The following GPHN variants were observed in gnomAD, a reference collection of about 807,000 sequenced individuals.
GPHN encodes gephyrin.
Under a neutral mutation model 95.5 loss-of-function variants are expected in GPHN, and 17 were observed. That is an observed-to-expected ratio of 0.18 (90% CI 0.12 to 0.27). The LOEUF is 0.27. Ranked by LOEUF, GPHN falls within the 10% of genes least tolerant of loss-of-function variation. The pLI, the probability that GPHN is intolerant of heterozygous loss-of-function variation, is 1.00. For synonymous variants in GPHN, 320 were observed against 322.5 expected (o/e 0.99, Z 0.08); for missense variants, 660 against 978.1 (o/e 0.67, Z 4.34).
intron 1 of GPHN, among the ~76,000 whole-genome samples, chr14:66,617,319 G>T (rs2063087734): frequency 1.3e-5 from 2 of 152,208 alleles, no homozygotes; most frequent in Admixed American, 6.5e-5. Context: ...GAGCTCTGGG[G>T]TTGGGACGCT....
At chr14:66,815,187 G>A (rs750013027) in intron 3 of GPHN, among the ~76,000 whole-genome samples, 4 of 152,158 alleles carry the variant, frequency 2.6e-5, no homozygotes, top group Non-Finnish European at 4.4e-5. Context: ...TTGAATCTGC[G>A]ACTGATTGGT....
At chr14:67,166,643 G>GT (rs34161395) in intron 20 of GPHN, among the ~76,000 whole-genome samples, 25,727 of 151,852 alleles carry the variant, frequency 0.17, 4,246 homozygotes, top group East Asian at 0.44. Flanking sequence ...GGTTTTGTTT[G>GT]TTTTTTGTGT....
At chr14:66,685,990 T>G (rs1317963419) in intron 2 of GPHN, among the ~76,000 whole-genome samples, 3 of 129,342 alleles carry the variant, frequency 2.3e-5, no homozygotes, top group Non-Finnish European at 4.5e-5. Context: ...CCAGCACCAT[T>G]TATTAAATAG....
chr14:67,604,440 A>G, the GPHN span, among the ~76,000 whole-genome samples: 1 of 152,162 alleles, frequency 6.6e-6, no homozygotes, highest in East Asian at 1.9e-4. Flanking sequence ...CATGCCTATA[A>G]TCCCAGCACT....
the GPHN span, among the ~76,000 whole-genome samples, chr14:67,448,464 T>C: frequency 6.6e-6 from 1 of 152,144 alleles, no homozygotes; most frequent in Non-Finnish European, 1.5e-5. Context: ...AACATCCCTA[T>C]AAATGAATTG....
the GPHN span, among the ~76,000 whole-genome samples, chr14:67,308,529 A>G: frequency 2.7e-5 from 4 of 149,454 alleles, no homozygotes; most frequent in Admixed American, 6.8e-5. Context: ...GCACTCTCCA[A>G]ATATTTTTTT....
chr14:66,539,294 C>T (rs962366249), intron 1 of GPHN, among the ~76,000 whole-genome samples: 48 of 152,034 alleles, frequency 3.2e-4, no homozygotes, highest in African/African-American at 1.1e-3. Context: ...CCTTCTAGCA[C>T]GTCTCCCAGC....
chr14:67,600,261 G>C, the GPHN span: 1 of 1,416,248 alleles, frequency 7.1e-7, no homozygotes, highest in Non-Finnish European at 9.3e-7. Flanking sequence ...GCCGGCCCTG[G>C]CCGTCTCGCC....
chr14:67,506,834 C>G, the GPHN span, among the ~76,000 whole-genome samples: 1 of 152,000 alleles, frequency 6.6e-6, no homozygotes, highest in Non-Finnish European at 1.5e-5. Context: ...AAATACAAAA[C>G]TTAGCTGGGG....
chr14:66,688,589 C>G (rs1050518879), intron 2 of GPHN, among the ~76,000 whole-genome samples: 1 of 152,126 alleles, frequency 6.6e-6, no homozygotes, highest in Non-Finnish European at 1.5e-5. Flanking sequence ...TTCTAAGAGT[C>G]TTTGAGGGGA....
At chr14:66,715,212 G>A (rs557666743) in intron 2 of GPHN, among the ~76,000 whole-genome samples, 1 of 152,146 alleles carries the variant, frequency 6.6e-6, no homozygotes, top group African/African-American at 2.4e-5. Context: ...TAGGAGGGTT[G>A]TATCTTTCCA....
the GPHN span, among the ~76,000 whole-genome samples, chr14:67,261,786 G>T: frequency 6.6e-6 from 1 of 151,846 alleles, no homozygotes; most frequent in Non-Finnish European, 1.5e-5. Flanking sequence ...TAGGTACTTT[G>T]AGCAATAGAT....
intron 2 of GPHN, among the ~76,000 whole-genome samples, chr14:66,711,765 A>G (rs894986794): frequency 7.5e-5 from 8 of 106,466 alleles, no homozygotes; most frequent in African/African-American, 2.3e-4. Flanking sequence ...CACAGGCCCC[A>G]GTGTGTGATG....
chr14:67,460,194 G>A, the GPHN span, among the ~76,000 whole-genome samples: 3 of 152,100 alleles, frequency 2.0e-5, no homozygotes, highest in Non-Finnish European at 4.4e-5. Context: ...TCAGCAAAAG[G>A]GATGGTTATA....
chr14:67,575,998 A>C, the GPHN span: 3 of 1,610,820 alleles, frequency 1.9e-6, no homozygotes, highest in Non-Finnish European at 2.5e-6. Flanking sequence ...GGCACCAAGC[A>C]TGAAAAGGTA....
chr14:67,120,494 G>A (rs2078960042), intron 16 of GPHN, among the ~76,000 whole-genome samples: 1 of 152,066 alleles, frequency 6.6e-6, no homozygotes, highest in Admixed American at 6.6e-5. Flanking sequence ...GGGTTCTCCA[G>A]TGATCTCTAA....
chr14:66,672,254 C>T (rs2066338922), intron 1 of GPHN, among the ~76,000 whole-genome samples: 2 of 151,562 alleles, frequency 1.3e-5, no homozygotes, highest in Admixed American at 6.6e-5. Flanking sequence ...TTCTTTTATT[C>T]TCCTGTTATT....
the GPHN span, chr14:67,343,533 T>G: frequency 1.1e-6 from 1 of 892,698 alleles, no homozygotes; most frequent in African/African-American, 1.7e-5. Flanking sequence ...TAGAAAACAT[T>G]TGAGAACCAA....
the GPHN span, chr14:67,621,000 A>G: frequency 6.3e-7 from 1 of 1,595,340 alleles, no homozygotes; most frequent in Admixed American, 1.7e-5. Flanking sequence ...TTAGTGCAGG[A>G]CTAGTAATAG....
Sources: gnomAD v4.1 joint callset for allele counts (sites outside exome capture counted in the v4.1 genomes callset) on GRCh38, gnomAD v4.1.1 for gene constraint, MANE v1.5 for transcripts, NCBI Gene and HGNC (gene_info 2026-07-23, HGNC 2026-07-21) for gene names.